SERPINA6: variants seen among roughly 807,000 people sequenced by gnomAD.
SERPINA6 encodes corticosteroid-binding globulin.
A neutral mutation model predicts 26.4 loss-of-function variants in SERPINA6; 19 were observed. The ratio of observed to expected loss-of-function variants is 0.72; its 90% CI spans 0.50 to 1.06. The LOEUF (loss-of-function observed/expected upper bound fraction) is 1.06, where lower values mean the gene tolerates loss of function less well. SERPINA6 is among the 50% of genes least tolerant of loss of function. SERPINA6 has a pLI of 0.00. For synonymous variants in SERPINA6, 196 were observed against 199.4 expected, an observed-to-expected ratio of 0.98 and a Z score of 0.14; for missense variants, 473 against 504.0, an observed-to-expected ratio of 0.94 and a Z score of 0.59.
intron 3 of SERPINA6, among the ~76,000 whole-genome samples, chr14:94,309,189 G>A (rs10498639): frequency 0.48 from 72,277 of 152,046 alleles, 18,339 homozygotes; most frequent in East Asian, 0.93. Flanking sequence ...CTACTTACTC[G>A]CTTATTACCT....
Position 94,304,312 on chromosome 14 carries a change from A to G in SERPINA6, c.*106T>C. On this transcript the variant is annotated 3_prime_UTR_variant, in exon 5 of 5. Coordinates refer to ENST00000341584, the MANE Select transcript of SERPINA6 (RefSeq NM_001756.4). The stretch of plus-strand genomic sequence containing the variant: ...TAGACACAACTCTGGTTGGAGGGAG[A>G]AGAACTTGGAGGAGATTGGGGGAAA... 9.1e-7 allele frequency: 1 copy of G among 1,103,944 alleles called. No homozygotes were observed. Among genetic ancestry groups the G allele is most frequent in the Non-Finnish European group, 1.4e-6 (1 of 716,772 alleles). 68.4% of individuals were successfully genotyped at this position (1,103,944 alleles called of 1,614,324 possible).
intron 1 of SERPINA6, among the ~76,000 whole-genome samples, chr14:94,316,667 C>T (rs1262655632): frequency 2.6e-5 from 4 of 152,190 alleles, no homozygotes; most frequent in African/African-American, 9.6e-5. Context: ...AGGCCTGTGG[C>T]AGTATTTCTG....
chr14:94,309,788 C>T lies in SERPINA6; in HGVS notation c.832G>A (p.Ala278Thr), dbSNP rs374119759. The change falls in exon 3 of 5, where the codon GCT (alanine) becomes ACT (threonine). Residue 278 changes from alanine to threonine, a missense_variant. Transcript: ENST00000341584. ...PDKGKMNTVI[A>T]ALSRDTINRW... ...TTAATCGTGTCCCGGCTCAGTGCAG[C>T]GATGACTGTGTTCATCTTCCCCTTG... 30 of 1,614,052 alleles carry T rather than the reference C, an allele frequency of 1.9e-5. No homozygotes were observed. Among genetic ancestry groups the T allele is most frequent in the Non-Finnish European group, 2.0e-5 (24 of 1,180,034 alleles).
Position 94,306,220 on chromosome 14 carries a change from T to A in SERPINA6, c.885-2A>T. The A allele has an allele frequency of 6.2e-7, 1 of 1,614,182 alleles. No homozygotes were observed. The highest frequency in any genetic ancestry group is 8.5e-7 in the Non-Finnish European group (1 of 1,180,040). On this transcript the variant is annotated splice_acceptor_variant, in intron 3 of 4. Coordinates refer to ENST00000341584, the MANE Select transcript of SERPINA6 (RefSeq NM_001756.4). LOFTEE classifies it high-confidence loss of function. ...TTTGGAATGTACAGGTCCACCTGGCTGCTCGGGGTAAGCAGACAGAGTTAG... is the reference window on the plus strand; with the variant it reads ...TTTGGAATGTACAGGTCCACCTGGCAGCTCGGGGTAAGCAGACAGAGTTAG...
At position 94,304,425 on chromosome 14, in the gene SERPINA6, G is replaced by T. The variant is rs762344771; in HGVS notation, c.1211C>A (p.Pro404Gln). The change falls in exon 5 of 5, where the codon CCA becomes CAA. Residue 404 changes from proline to glutamine, a missense_variant. By Grantham distance (76) the Pro-to-Gln change is moderately conservative (BLOSUM62 -1). Coordinates refer to ENST00000341584, the MANE Select transcript of SERPINA6 (RefSeq NM_001756.4). Reference protein sequence around the residue: ...SSLFLARVMNPV With the variant: ...SSLFLARVMNQV ...CTCTGGGTGGGTGGTCTCTTACACT[G>T]GGTTCATAACCCTCGCCAGGAAAAG... 1 of 1,614,048 alleles carries T rather than the reference G, an allele frequency of 6.2e-7. No homozygotes were observed. Among genetic ancestry groups the T allele is most frequent in the Admixed American group, 1.7e-5 (1 of 60,018 alleles).
Position 94,314,920 on chromosome 14 carries a change from G to A in SERPINA6, c.-19-253C>T, listed in dbSNP as rs182114749. 1.5e-3 allele frequency: 830 copies of A among 568,050 alleles called. 3 individuals are homozygous for A. The highest frequency in any genetic ancestry group is 3.3e-3 in the Middle Eastern group (7 of 2,128). 35.2% of individuals were successfully genotyped at this position (568,050 alleles called of 1,614,324 possible). On this transcript the variant is annotated intron_variant, in intron 1 of 4. Coordinates refer to ENST00000341584, the MANE Select transcript of SERPINA6 (RefSeq NM_001756.4). ...GATCTAGGTAGTCTGGCTATATTCA[G>A]TCATCTAACCATTACCAAAACACTC...
intron 1 of SERPINA6, among the ~76,000 whole-genome samples, chr14:94,317,741 C>T (rs1169711305): frequency 6.6e-6 from 1 of 152,066 alleles, no homozygotes; most frequent in African/African-American, 2.4e-5. Context: ...TTTATAAAAC[C>T]TTTTATACTC....
At chr14:94,317,413 G>A (rs1895627299) in intron 1 of SERPINA6, among the ~76,000 whole-genome samples, 1 of 152,194 alleles carries the variant, frequency 6.6e-6, no homozygotes, top group East Asian at 1.9e-4. Context: ...CTGCACACTG[G>A]GAGAATGGGG....
intron 1 of SERPINA6, among the ~76,000 whole-genome samples, chr14:94,322,755 G>A (rs979521882): frequency 6.6e-6 from 1 of 152,200 alleles, no homozygotes; most frequent in Non-Finnish European, 1.5e-5. Flanking sequence ...TGTTCTCTGT[G>A]CATTATCTCT....
chr14:94,316,431 C>A (rs1027739748), intron 1 of SERPINA6, among the ~76,000 whole-genome samples: 1 of 152,138 alleles, frequency 6.6e-6, no homozygotes, highest in Non-Finnish European at 1.5e-5. Flanking sequence ...TCTGGTTGTT[C>A]TATCCATTAT....
chr14:94,316,003 A>G (rs1282235540), intron 1 of SERPINA6, among the ~76,000 whole-genome samples: 1 of 152,190 alleles, frequency 6.6e-6, no homozygotes, highest in Non-Finnish European at 1.5e-5. Context: ...ATGTGTTTAC[A>G]GCTTTACATT....
intron 3 of SERPINA6, among the ~76,000 whole-genome samples, chr14:94,309,334 T>C (rs1895491425): frequency 6.6e-6 from 1 of 152,238 alleles, no homozygotes; most frequent in Admixed American, 6.5e-5. Flanking sequence ...ATTTTCATTA[T>C]ATTTCTATGG....
At chr14:94,310,486 G>A (rs575520307) in intron 2 of SERPINA6, among the ~76,000 whole-genome samples, 12 of 152,256 alleles carry the variant, frequency 7.9e-5, no homozygotes, top group African/African-American at 2.4e-4. Context: ...TCTAGGCCAC[G>A]TTGTCCTAAT....
In SERPINA6 at chr14:94,314,095, A is replaced by C; in HGVS notation, c.554T>G (p.Leu185Trp). ...GGCTGGGCTATCCAGCCCTGAAAAC[A>C]AGTCGACAATTTTCCCCTGTGTCTT... ...KNKTQGKIVDLFSGLDSPAIL... is the reference protein window; with the variant it reads ...KNKTQGKIVDWFSGLDSPAIL... The change falls in exon 2 of 5, where the codon TTG becomes TGG. Residue 185 changes from leucine to tryptophan, a missense_variant. Leu to Trp is a moderately conservative substitution (Grantham distance 61, BLOSUM62 -2). Transcript: ENST00000341584. The C allele has an allele frequency of 6.2e-6, 10 of 1,614,166 alleles. No homozygotes were observed. Among genetic ancestry groups the C allele is most frequent in the Non-Finnish European group, 8.5e-6 (10 of 1,180,026 alleles).
At chr14:94,306,370 A>T (rs1895440547) in intron 3 of SERPINA6, 152 bp from the exon 4 acceptor site, 1 of 803,166 alleles carries the variant, frequency 1.2e-6, no homozygotes, top group South Asian at 1.5e-5. Context: ...TGGGTAGGAG[A>T]AGGGACAGAG....
intron 3 of SERPINA6, among the ~76,000 whole-genome samples, chr14:94,307,557 T>G (rs1895460324): frequency 6.6e-6 from 1 of 152,204 alleles, no homozygotes; most frequent in African/African-American, 2.4e-5. Flanking sequence ...CAGTGGAGTA[T>G]GAGCTGGAAT....
In SERPINA6 at chr14:94,314,283, G is replaced by A; in HGVS notation, c.366C>T (p.Ser122=). The change falls in exon 2 of 5, where the codon AGC becomes AGT. Residue 122 remains serine (S), a synonymous_variant. Transcript: ENST00000341584. ...AGGCATTGCCCATGGTCATTTCTAAGCTGGTGTCTGACTTTGCAAAGAGTT... is the reference window on the plus strand; with the variant it reads ...AGGCATTGCCCATGGTCATTTCTAAACTGGTGTCTGACTTTGCAAAGAGTT... ...LHQLFAKSDT[S]LEMTMGNALF... is the part of the protein sequence containing the mutation. The A allele has an allele frequency of 1.2e-6, 2 of 1,614,208 alleles. No homozygotes were observed. The highest frequency in any genetic ancestry group is 1.7e-6 in the Non-Finnish European group (2 of 1,180,042).
chr14:94,304,674 G>T, intron 4 of SERPINA6, 71 bp from the exon 5 acceptor site: 1 of 1,326,472 alleles, frequency 7.5e-7, no homozygotes, highest in Non-Finnish European at 1.1e-6. Flanking sequence ...TCATTGCTGG[G>T]ACCCTTCACA....
intron 1 of SERPINA6, 73 bp from the exon 2 acceptor site, chr14:94,314,740 A>G (rs894658410): frequency 1.4e-6 from 2 of 1,449,214 alleles, no homozygotes; most frequent in African/African-American, 2.8e-5. Flanking sequence ...AAGAGGAGGC[A>G]GGCAAAAGAC....
Sources: allele counts gnomAD v4.1 joint callset (sites outside exome capture counted in the v4.1 genomes callset), GRCh38; gene constraint gnomAD v4.1.1; transcripts MANE v1.5; gene names NCBI Gene and HGNC (gene_info 2026-07-23, HGNC 2026-07-21).